The following CENPP variants were observed in gnomAD, a reference collection of about 807,000 sequenced individuals.
CENPP encodes the protein centromere protein P.
CENPP carries 24 observed loss-of-function variants against 35.6 expected under a neutral mutation model. The ratio of observed to expected loss-of-function variants is 0.67; its 90% CI spans 0.49 to 0.95. The LOEUF is 0.95. Ranked by LOEUF, CENPP falls within the 40% of genes least tolerant of loss-of-function variation. The pLI is 0.00. For missense variants in CENPP, 332 were observed against 345.3 expected (o/e 0.96, Z 0.31); for synonymous variants, 120 against 125.5 (o/e 0.96, Z 0.29).
At position 92,527,003 on chromosome 9, in the gene CENPP, A is replaced by G. The variant is rs570668751; in HGVS notation, c.565-84311A>G. Among the ~76,000 whole-genome samples the G allele has an allele frequency of 2.0e-5, 3 of 149,456 alleles. No homozygotes were observed. In the South Asian group the frequency reaches 6.4e-4, roughly 32 times the overall value. On this transcript the variant is annotated intron_variant, in intron 5 of 7. Coordinates refer to ENST00000375587, the MANE Select transcript of CENPP (RefSeq NM_001012267.3). ...ACCTTTCCTATGTGTAGATATGTTT[A>G]TTATTTATTTATTTATTTATTTAGA...
At chr9:92,382,591 T>G (rs1284148140) in intron 5 of CENPP, among the ~76,000 whole-genome samples, 3 of 152,126 alleles carry the variant, frequency 2.0e-5, no homozygotes, top group African/African-American at 7.2e-5. Flanking sequence ...CGTGCCAAAT[T>G]CAATGTCATA....
At chr9:92,583,560 A>G (rs956272788) in intron 5 of CENPP, among the ~76,000 whole-genome samples, 3 of 152,188 alleles carry the variant, frequency 2.0e-5, no homozygotes, top group Non-Finnish European at 4.4e-5. Flanking sequence ...AGGTTCAAAG[A>G]TTATGGGTGC....
chr9:92,579,472 T>A (rs1850365797), intron 5 of CENPP, among the ~76,000 whole-genome samples: 2 of 151,292 alleles, frequency 1.3e-5, no homozygotes, highest in Admixed American at 1.3e-4. Flanking sequence ...CCTCTTTTAT[T>A]TCGTTGAGCA....
At chr9:92,611,031 T>G in intron 5 of CENPP, 2 of 491,380 alleles carry the variant, frequency 4.1e-6, no homozygotes, top group Non-Finnish European at 7.3e-6. Context: ...ATGGAAAGGG[T>G]GTGGGGAAAC....
At chr9:92,482,477 T>A (rs1845945250) in intron 5 of CENPP, 1 of 152,194 alleles carries the variant, frequency 6.6e-6, no homozygotes, top group Admixed American at 6.5e-5. Context: ...TGGAATAAAC[T>A]GCTCCCACAG....
chr9:92,385,452 T>C, intron 5 of CENPP: 1 of 593,530 alleles, frequency 1.7e-6, no homozygotes, highest in Non-Finnish European at 2.9e-6. Flanking sequence ...TCAGTCTTAC[T>C]TTTTACTTAT....
Position 92,579,300 on chromosome 9 carries a change from A to T in CENPP, c.565-32014A>T, listed in dbSNP as rs1850361363. ...GCGATGAGGGCTCTTTTTTGGTTCC[A>T]TATGAACTTTAAAGTAGTTTTTTCC... is the stretch of plus-strand genomic sequence containing the variant. On this transcript the variant is annotated intron_variant, in intron 5 of 7. Coordinates refer to ENST00000375587, the MANE Select transcript of CENPP (RefSeq NM_001012267.3). 2.0e-5 allele frequency among the ~76,000 whole-genome samples: 3 copies of T among 149,806 alleles called. No individual in the cohort carries two copies. In the South Asian group the frequency reaches 6.5e-4, roughly 32 times the overall value.
Position 92,476,635 on chromosome 9 carries a change from A to C in CENPP, c.564+96776A>C, listed in dbSNP as rs918842630. ...GATCTGAGAATGGCAAGAGTTTTTTATATTTTAATAATCCTATGCTGATTC... is the reference window on the plus strand; with the variant it reads ...GATCTGAGAATGGCAAGAGTTTTTTCTATTTTAATAATCCTATGCTGATTC... On this transcript the variant is annotated intron_variant, in intron 5 of 7. Coordinates refer to ENST00000375587, the MANE Select transcript of CENPP (RefSeq NM_001012267.3). This position sits in a 1 kb window ranked among gnomAD's most constrained non-coding sequence, Gnocchi z 4.1. 6.6e-6 allele frequency among the ~76,000 whole-genome samples: 1 copy of C among 152,216 alleles called. No homozygotes were observed. Among genetic ancestry groups the C allele is most frequent in the African/African-American group, 2.4e-5 (1 of 41,454 alleles).
intron 5 of CENPP, among the ~76,000 whole-genome samples, chr9:92,388,733 G>A (rs1842542771): frequency 6.6e-6 from 1 of 150,982 alleles, no homozygotes; most frequent in Non-Finnish European, 1.5e-5. Context: ...TTGGGAGGCT[G>A]AGGCAGGAGA....
At chr9:92,468,060 A>C (rs1845378407) in intron 5 of CENPP, among the ~76,000 whole-genome samples, 1 of 152,216 alleles carries the variant, frequency 6.6e-6, no homozygotes. Flanking sequence ...GGAAATGCGT[A>C]AAGTGAAGAA....
At chr9:92,504,869 G>A (rs146084840) in intron 5 of CENPP, among the ~76,000 whole-genome samples, 30 of 152,284 alleles carry the variant, frequency 2.0e-4, no homozygotes, top group African/African-American at 5.5e-4. Context: ...GAAATGAGGG[G>A]TGTTGACATT....
At chr9:92,331,869 G>A (rs548335527) in intron 1 of CENPP, among the ~76,000 whole-genome samples, 84 of 152,254 alleles carry the variant, frequency 5.5e-4, no homozygotes, top group Non-Finnish European at 1.0e-3. Context: ...GATCCTTTGA[G>A]CCTGGGAGTT....
intron 5 of CENPP, among the ~76,000 whole-genome samples, chr9:92,578,353 T>C (rs922924765): frequency 6.6e-6 from 1 of 152,194 alleles, no homozygotes; most frequent in Admixed American, 6.5e-5. Context: ...TTTCTAGTTC[T>C]AGATCCCTGA....
intron 5 of CENPP, among the ~76,000 whole-genome samples, chr9:92,391,339 G>A (rs971001077): frequency 6.6e-5 from 10 of 152,090 alleles, no homozygotes; most frequent in African/African-American, 1.2e-4. Flanking sequence ...CCTGGGAGGC[G>A]GAGCTAGCAG....
At chr9:92,437,258 A>G (rs1844267888) in intron 5 of CENPP, among the ~76,000 whole-genome samples, 1 of 152,134 alleles carries the variant, frequency 6.6e-6, no homozygotes, top group African/African-American at 2.4e-5. Flanking sequence ...TTAAAACTGT[A>G]TATCAATTTG....
intron 5 of CENPP, among the ~76,000 whole-genome samples, chr9:92,452,646 G>A (rs10820977): frequency 0.48 from 72,558 of 151,900 alleles, 20,861 homozygotes; most frequent in African/African-American, 0.81. Context: ...CTCTTTTTCT[G>A]TTGATTGGAA....
intron 5 of CENPP, chr9:92,475,029 G>T (rs1235055409): frequency 3.4e-6 from 4 of 1,193,366 alleles, no homozygotes; most frequent in Admixed American, 3.9e-5. Flanking sequence ...TTAATCCATT[G>T]CTTAGCTAAT....
chr9:92,590,028 C>T (rs1850631254), intron 5 of CENPP, among the ~76,000 whole-genome samples: 1 of 152,184 alleles, frequency 6.6e-6, no homozygotes, highest in African/African-American at 2.4e-5. Context: ...TTCTTCGCCC[C>T]ACTTTATAAC....
intron 5 of CENPP, among the ~76,000 whole-genome samples, chr9:92,485,024 T>C (rs1846022214): frequency 6.6e-6 from 1 of 152,186 alleles, no homozygotes; most frequent in African/African-American, 2.4e-5. Context: ...GATAATGTGG[T>C]AAAGGTGCAG....
Sources: gnomAD v4.1 joint callset for allele counts (sites outside exome capture counted in the v4.1 genomes callset) on GRCh38, gnomAD v4.1.1 for gene constraint, Gnocchi (gnomAD v3.1) non-coding constraint, MANE v1.5 for transcripts, NCBI Gene and HGNC (gene_info 2026-07-23, HGNC 2026-07-21) for gene names.